Variants in FSTL4 observed in about 807,000 individuals in gnomAD.
FSTL4 encodes follistatin like 4, also known as follistatin-related protein 4.
FSTL4 carries 28 observed loss-of-function variants against 78.2 expected under a neutral mutation model. The ratio of observed to expected loss-of-function variants is 0.36; its 90% CI spans 0.27 to 0.49. The LOEUF (loss-of-function observed/expected upper bound fraction) is 0.49, where lower values mean the gene tolerates loss of function less well. Among genes scored for constraint, FSTL4 ranks in the 20% least tolerant of loss-of-function variants. FSTL4 has a pLI of 0.98. For missense variants in FSTL4, 922 were observed against 1,084.9 expected (o/e 0.85, Z 2.11); for synonymous variants, 422 against 440.5 (o/e 0.96, Z 0.53).
At chr5:133,746,643 A>G in the FSTL4 span, among the ~76,000 whole-genome samples, 1 of 152,160 alleles carries the variant, frequency 6.6e-6, no homozygotes, top group African/African-American at 2.4e-5. Flanking sequence ...AACACCAATT[A>G]CAAGCTAAAT....
At chr5:133,624,889 G>C in the FSTL4 span, among the ~76,000 whole-genome samples, 19 of 151,556 alleles carry the variant, frequency 1.3e-4, 2 homozygotes. Flanking sequence ...ATTTTGGGGA[G>C]AATTGACATT....
intron 1 of FSTL4, among the ~76,000 whole-genome samples, chr5:133,607,869 C>T (rs564294711): frequency 7.0e-5 from 10 of 142,954 alleles, no homozygotes; most frequent in African/African-American, 2.5e-4. Context: ...GTCCTCACTG[C>T]TGCTCTATTT....
chr5:133,418,673 G>A (rs915850022), intron 3 of FSTL4, among the ~76,000 whole-genome samples: 3 of 152,210 alleles, frequency 2.0e-5, no homozygotes, highest in African/African-American at 7.2e-5. Flanking sequence ...TGTGGTACTT[G>A]AATAAGGAGA....
intron 3 of FSTL4, among the ~76,000 whole-genome samples, chr5:133,527,497 A>C (rs5871498): frequency 0.099 from 7,247 of 72,838 alleles, 595 homozygotes; most frequent in African/African-American, 0.24. Flanking sequence ...ACACACACAC[A>C]CACACCCATA....
At chr5:133,815,631 C>T in the FSTL4 span, among the ~76,000 whole-genome samples, 28,174 of 152,148 alleles carry the variant, frequency 0.19, 2,832 homozygotes, top group East Asian at 0.41. Flanking sequence ...AAATACACAT[C>T]CCCAGGCCCT....
chr5:133,220,862 G>A lies in FSTL4; in HGVS notation c.1344C>T (p.Leu448=). The change falls in exon 12 of 16, where the codon CTC becomes CTT. Residue 448 remains leucine, a synonymous_variant. Coordinates refer to ENST00000265342, the MANE Select transcript of FSTL4 (RefSeq NM_015082.2). The stretch of plus-strand genomic sequence containing the variant: ...AGACATAGAACATGTTTCCCACGCT[G>A]AGGCCTGGGAGGAGCAAATGGAATG... ...LANILWREEG[L]SVGNMFYVFS... 1 of 1,576,236 alleles carries A rather than the reference G, an allele frequency of 6.3e-7. No homozygotes were observed.
At chr5:133,777,743 T>G in the FSTL4 span, among the ~76,000 whole-genome samples, 1 of 152,254 alleles carries the variant, frequency 6.6e-6, no homozygotes, top group Non-Finnish European at 1.5e-5. Flanking sequence ...CATATCTAGC[T>G]AAGGGTTTGA....
intron 3 of FSTL4, among the ~76,000 whole-genome samples, chr5:133,527,840 C>G (rs1759168370): frequency 6.6e-6 from 1 of 152,172 alleles, no homozygotes; most frequent in Admixed American, 6.5e-5. Flanking sequence ...GTCCAAGTAA[C>G]CCCCCTGATA....
At chr5:133,687,549 A>G in the FSTL4 span, among the ~76,000 whole-genome samples, 1 of 151,840 alleles carries the variant, frequency 6.6e-6, no homozygotes, top group Non-Finnish European at 1.5e-5. Flanking sequence ...GTCAGTTAAA[A>G]CTCATTGCAC....
chr5:133,218,197 G>C (rs1750978089), intron 12 of FSTL4, among the ~76,000 whole-genome samples: 1 of 152,180 alleles, frequency 6.6e-6, no homozygotes, highest in Admixed American at 6.5e-5. Flanking sequence ...TTACAATCTA[G>C]TGAAGTGAGG....
intron 3 of FSTL4, among the ~76,000 whole-genome samples, chr5:133,402,177 C>T (rs949655684): frequency 6.6e-6 from 1 of 152,154 alleles, no homozygotes; most frequent in South Asian, 2.1e-4. Context: ...CCCCTGGAAA[C>T]GGGCGCTGCC....
chr5:133,341,960 T>C (rs1414642306), intron 4 of FSTL4, among the ~76,000 whole-genome samples: 1 of 152,138 alleles, frequency 6.6e-6, no homozygotes, highest in South Asian at 2.1e-4. Flanking sequence ...TCCAGCACTG[T>C]CTCCCAGGCA....
intron 4 of FSTL4, among the ~76,000 whole-genome samples, chr5:133,339,889 T>C (rs1248735970): frequency 6.6e-6 from 1 of 152,208 alleles, no homozygotes; most frequent in Non-Finnish European, 1.5e-5. Flanking sequence ...CTTGATGACC[T>C]GGGGTCTGTT....
intron 4 of FSTL4, among the ~76,000 whole-genome samples, chr5:133,395,620 G>A (rs1410242756): frequency 1.3e-5 from 2 of 152,168 alleles, no homozygotes; most frequent in African/African-American, 2.4e-5. Flanking sequence ...CCAGCTTGCT[G>A]TGATCCACTT....
At chr5:133,479,220 TG>T (rs1483111136) in intron 3 of FSTL4, among the ~76,000 whole-genome samples, 1 of 152,174 alleles carries the variant, frequency 6.6e-6, no homozygotes, top group Non-Finnish European at 1.5e-5. Flanking sequence ...GCGGGGACCA[TG>T]TGCGTCTTAC....
At chr5:133,646,181 A>G in the FSTL4 span, among the ~76,000 whole-genome samples, 1 of 152,168 alleles carries the variant, frequency 6.6e-6, no homozygotes, top group Non-Finnish European at 1.5e-5. Flanking sequence ...CCTTATTTAA[A>G]CTGGGGGTCA....
chr5:133,643,501 G>A, the FSTL4 span, among the ~76,000 whole-genome samples: 505 of 152,162 alleles, frequency 3.3e-3, 6 homozygotes, highest in African/African-American at 0.011. Context: ...AGGCTGATGT[G>A]TGGTTGGGTG....
chr5:133,468,358 T>C (rs997277177), intron 3 of FSTL4, among the ~76,000 whole-genome samples: 62 of 152,182 alleles, frequency 4.1e-4, no homozygotes, highest in Non-Finnish European at 5.4e-4. Flanking sequence ...CAGTCCAGGA[T>C]GGGTGGGAAT....
At chr5:133,781,365 T>TTGTGTGTG in the FSTL4 span, among the ~76,000 whole-genome samples, 1 of 143,304 alleles carries the variant, frequency 7.0e-6, no homozygotes, top group Non-Finnish European at 1.5e-5. Context: ...TGTTAAGCGG[T>TTGTGTGTG]TGTGTGTGTG....
Sources: gnomAD v4.1 joint callset for allele counts (sites outside exome capture counted in the v4.1 genomes callset) on GRCh38, gnomAD v4.1.1 for gene constraint, MANE v1.5 for transcripts, NCBI Gene and HGNC (gene_info 2026-07-23, HGNC 2026-07-21) for gene names.